ZBTB43: variants seen among roughly 807,000 people sequenced by gnomAD.
ZBTB43 encodes the protein zinc finger and BTB domain-containing protein 43.
In ZBTB43, 6 loss-of-function variants were observed where a neutral mutation model predicts 31.1. That is an observed-to-expected ratio of 0.19 (90% CI 0.11 to 0.38). The LOEUF (loss-of-function observed/expected upper bound fraction) is 0.38. Ranked by LOEUF, ZBTB43 falls within the 10% of genes least tolerant of loss-of-function variation. The pLI, the probability that ZBTB43 is intolerant of heterozygous loss-of-function variation, is 1.00. For synonymous variants in ZBTB43, 212 were observed against 221.7 expected (o/e 0.96, Z 0.39); for missense variants, 379 against 602.1 (o/e 0.63, Z 3.88).
chr9:126,817,048 G>C (rs1052868140), intron 2 of ZBTB43, among the ~76,000 whole-genome samples: 4 of 150,358 alleles, frequency 2.7e-5, no homozygotes, highest in African/African-American at 9.8e-5. Flanking sequence ...GGAATAGGAC[G>C]TGGAGTTTCA....
rs769741963 is a variant in ZBTB43, at chr9:126,832,826, C to A, written c.317C>A (p.Ala106Glu). 1 of 1,614,076 alleles carries A rather than the reference C, an allele frequency of 6.2e-7. No individual in the cohort carries two copies. Among genetic ancestry groups the A allele is most frequent in the South Asian group, 1.1e-5 (1 of 91,078 alleles). Residue 106 changes from alanine to glutamate, a missense_variant, in exon 3 of 3, where the codon GCG becomes GAG. Physicochemically the swap from Ala to Glu is moderately radical, Grantham distance 107. This residue lies in a region of ZBTB43 where 79 missense variants were observed against 134.4 expected (regional missense o/e 0.59). Transcript: ENST00000373464. ...PAPEIVSYLT[A>E]ASFLQMWHVV... The stretch of plus-strand genomic sequence containing the variant: ...CCAGAAATTGTTAGTTACTTGACAG[C>A]GGCAAGCTTCCTCCAGATGTGGCAT...
At chr9:126,810,056 T>C (rs2032209595) in intron 2 of ZBTB43, among the ~76,000 whole-genome samples, 1 of 152,096 alleles carries the variant, frequency 6.6e-6, no homozygotes, top group Admixed American at 6.6e-5. Context: ...AGACTGGTCT[T>C]GAACTCCTGA....
At chr9:126,808,266 T>C (rs1335884345) in intron 1 of ZBTB43, among the ~76,000 whole-genome samples, 1 of 152,180 alleles carries the variant, frequency 6.6e-6, no homozygotes, top group Non-Finnish European at 1.5e-5. Flanking sequence ...GTCCTAGAAG[T>C]TTTTAAGTAA....
chr9:126,818,296 A>ATAT (rs1564202350), intron 2 of ZBTB43, among the ~76,000 whole-genome samples: 1 of 146,846 alleles, frequency 6.8e-6, no homozygotes, highest in East Asian at 2.0e-4. Flanking sequence ...CTAATTAAAA[A>ATAT]ATATATATAT....
At chr9:126,814,237 T>C in intron 2 of ZBTB43, among the ~76,000 whole-genome samples, 1 of 150,586 alleles carries the variant, frequency 6.6e-6, no homozygotes. Flanking sequence ...ATTATAGGTT[T>C]CATCAGTTAA....
intron 2 of ZBTB43, among the ~76,000 whole-genome samples, chr9:126,812,370 A>T (rs2032269175): frequency 6.6e-6 from 1 of 152,214 alleles, no homozygotes; most frequent in African/African-American, 2.4e-5. Context: ...TGCAGTTATG[A>T]ACATTCATGT....
rs772392804 is a variant in ZBTB43, at chr9:126,833,058, C to T, written c.549C>T (p.Asp183=). The T allele has an allele frequency of 1.8e-5, 29 of 1,613,916 alleles. No homozygotes were observed. The highest frequency in any genetic ancestry group is 1.6e-4 in the East Asian group (7 of 44,876). Residue 183 remains aspartate, a synonymous_variant, in exon 3 of 3, where the codon GAC becomes GAT. Coordinates refer to ENST00000373464, the MANE Select transcript of ZBTB43 (RefSeq NM_014007.4). The surrounding 1 kb of genome is among the most constrained non-coding windows in gnomAD (Gnocchi z 7.9). The part of the protein sequence containing the change: ...DGENEEESTK[D]ELSSQLTEHE... ...AAAATGAAGAGGAGAGCACCAAAGA[C>T]GAGCTGTCATCCCAGCTCACCGAGC...
At chr9:126,817,542 T>C (rs141091236) in intron 2 of ZBTB43, among the ~76,000 whole-genome samples, 2,106 of 151,784 alleles carry the variant, frequency 0.014, 54 homozygotes, top group African/African-American at 0.048. Context: ...GTGGCGTGAT[T>C]GCGGCTCCCT....
chr9:126,829,752 C>T (rs1426531040), intron 2 of ZBTB43, among the ~76,000 whole-genome samples: 2 of 151,848 alleles, frequency 1.3e-5, no homozygotes, highest in Admixed American at 6.6e-5. Flanking sequence ...TTATATCCCA[C>T]ACCCCCTTTT....
chr9:126,815,106 G>A (rs886478980), intron 2 of ZBTB43, among the ~76,000 whole-genome samples: 2 of 151,308 alleles, frequency 1.3e-5, no homozygotes, highest in Non-Finnish European at 1.5e-5. Flanking sequence ...CTGTGAGTTC[G>A]TAGTTTTCAT....
intron 2 of ZBTB43, among the ~76,000 whole-genome samples, chr9:126,816,500 T>A (rs2119128489): frequency 6.6e-6 from 1 of 152,376 alleles, no homozygotes; most frequent in South Asian, 2.1e-4. Context: ...TGTCTATTTC[T>A]TGCTATTTTT....
At chr9:126,823,764 T>C (rs2032568230) in intron 2 of ZBTB43, among the ~76,000 whole-genome samples, 1 of 152,240 alleles carries the variant, frequency 6.6e-6, no homozygotes, top group African/African-American at 2.4e-5. Flanking sequence ...TGTATGTTTT[T>C]AGTTATTTCC....
chr9:126,817,471 C>G (rs556808988), intron 2 of ZBTB43, among the ~76,000 whole-genome samples: 15 of 147,084 alleles, frequency 1.0e-4, no homozygotes, highest in African/African-American at 3.5e-4. Flanking sequence ...TATAATGTTC[C>G]ATGAAGTTTT....
At chr9:126,828,929 G>A (rs369102056) in intron 2 of ZBTB43, among the ~76,000 whole-genome samples, 1 of 152,032 alleles carries the variant, frequency 6.6e-6, no homozygotes, top group East Asian at 1.9e-4. Context: ...AACCACAAAT[G>A]ACCAGTAAAC....
chr9:126,828,292 T>C (rs916157270), intron 2 of ZBTB43, among the ~76,000 whole-genome samples: 7 of 151,802 alleles, frequency 4.6e-5, no homozygotes, highest in Admixed American at 1.3e-4. Context: ...CACTCCATTC[T>C]CCTGCCTCAG....
In ZBTB43 at chr9:126,810,328, G is replaced by A. The variant is rs566232897; in HGVS notation, c.-24+1413G>A. 5.6e-4 allele frequency among the ~76,000 whole-genome samples: 85 copies of A among 152,010 alleles called. No homozygotes were observed. In the South Asian group the frequency reaches 0.017, roughly 31 times the overall value. ...TCCTTCCTCAGCCTCCTGAGTAGCT[G>A]GGATTACAGGCATCTGTCAGCATGC... On this transcript the variant is annotated intron_variant, in intron 2 of 2. Coordinates refer to ENST00000373464, the MANE Select transcript of ZBTB43 (RefSeq NM_014007.4).
chr9:126,824,816 G>C (rs183149229), intron 2 of ZBTB43, among the ~76,000 whole-genome samples: 2 of 151,814 alleles, frequency 1.3e-5, no homozygotes, highest in Admixed American at 6.6e-5. Context: ...TCAGTTTTTA[G>C]AAGTGTTTGA....
rs1453399269 is a variant in ZBTB43 at position 126,828,648 on chromosome 9, AATAATAATT to A, written c.-23-3836_-23-3828del. ...ATCTCTAAATAATAATAATAATAAT[AATAATAATT>A]ATTATTATTATTATTATTATTTTGG... On this transcript the variant is annotated intron_variant, in intron 2 of 2. Coordinates refer to ENST00000373464, the MANE Select transcript of ZBTB43 (RefSeq NM_014007.4). Among the ~76,000 whole-genome samples, 157 of 133,746 alleles carry A rather than the reference AATAATAATT, an allele frequency of 1.2e-3. 2 individuals are homozygous for A. The East Asian group carries it at 0.024, about 20-fold the overall frequency. 87.7% of individuals were successfully genotyped at this position (133,746 alleles called of 152,430 possible). A position where few individuals can be genotyped will look rare whatever the true frequency, so the allele number is the denominator to read the frequency against.
At chr9:126,820,891 CAG>C (rs1479139717) in intron 2 of ZBTB43, among the ~76,000 whole-genome samples, 3 of 141,478 alleles carry the variant, frequency 2.1e-5, no homozygotes, top group African/African-American at 7.8e-5. Context: ...TCACGTGAGC[CAG>C]AGAGTCGAGG....
Sources: gnomAD v4.1 joint callset for allele counts (sites outside exome capture counted in the v4.1 genomes callset) on GRCh38, gnomAD v4.1.1 for gene constraint, gnomAD v4.1.1 regional missense constraint, Gnocchi (gnomAD v3.1) non-coding constraint, MANE v1.5 for transcripts, NCBI Gene and HGNC (gene_info 2026-07-23, HGNC 2026-07-21) for gene names.